Variants in LAMA4 observed in about 807,000 individuals in gnomAD.
The protein encoded by LAMA4 is laminin subunit alpha 4, also known as laminin subunit alpha-4.
Under a neutral mutation model 207.1 loss-of-function variants are expected in LAMA4, and 127 were observed. The observed-to-expected ratio is 0.61, with a 90% confidence interval of 0.53 to 0.71. The LOEUF (loss-of-function observed/expected upper bound fraction) is 0.71. Ranked by LOEUF, LAMA4 falls within the 30% of genes least tolerant of loss-of-function variation. LAMA4 has a pLI of 0.00. For missense variants in LAMA4, 2,093 were observed against 2,246.5 expected (o/e 0.93, Z 1.38); for synonymous variants, 761 against 816.0 (o/e 0.93, Z 1.15).
intron 31 of LAMA4, among the ~76,000 whole-genome samples, chr6:112,124,759 CTTT>C (rs36097503): frequency 4.3e-5 from 6 of 140,482 alleles, no homozygotes; most frequent in African/African-American, 1.0e-4. Flanking sequence ...ATAGGGGTAT[CTTT>C]TTTTTTTTTT....
chr6:112,143,254 C>T (rs570180139), intron 19 of LAMA4, among the ~76,000 whole-genome samples: 2 of 150,598 alleles, frequency 1.3e-5, no homozygotes, highest in Admixed American at 1.3e-4. Flanking sequence ...GTGCAGCTGT[C>T]CTATGTTATC....
Position 112,155,624 on chromosome 6 carries a change from C to T in LAMA4, c.1900G>A (p.Val634Ile), listed in dbSNP as rs782436658. Reference sequence around the variant, plus strand: ...TCTGCTGTTTCATTGGCTTCACTAACATAATTAACAATATTTTCATAGACA... The same window carrying T: ...TCTGCTGTTTCATTGGCTTCACTAATATAATTAACAATATTTTCATAGACA... ...SNVYENIVNY[V>I]SEANETAEFA... Residue 634 changes from valine to isoleucine, a missense_variant, in exon 15 of 39, where the codon GTT becomes ATT. Val to Ile is a conservative substitution (Grantham distance 29). Transcript: ENST00000230538. The T allele has an allele frequency of 3.7e-6, 6 of 1,614,064 alleles. No individual in the cohort carries two copies. Among genetic ancestry groups the T allele is most frequent in the Non-Finnish European group, 4.2e-6 (5 of 1,179,918 alleles).
chr6:112,128,846 C>T (rs900660490), intron 31 of LAMA4, 76 bp downstream of exon 31: 13 of 1,308,846 alleles, frequency 9.9e-6, no homozygotes, highest in South Asian at 7.3e-5. Context: ...AGTCAATTCT[C>T]TAAAACAGCA....
Position 112,179,377 on chromosome 6 carries a change from T to A in LAMA4, c.1078-1145A>T, listed in dbSNP as rs1782210355. ...TATGCACAGCATGGGCGACATGTAC[T>A]TACTTTTGGGATTTGAAGGACTGAT... is the stretch of plus-strand genomic sequence containing the variant. On this transcript the variant is annotated intron_variant, in intron 9 of 38. Transcript: ENST00000230538. 4 of 152,216 alleles carry A rather than the reference T, an allele frequency of 2.6e-5. No individual in the cohort carries two copies. The South Asian group carries it at 8.3e-4, about 31-fold the overall frequency. 9.4% of individuals were successfully genotyped at this position (152,216 alleles called of 1,614,324 possible).
intron 12 of LAMA4, among the ~76,000 whole-genome samples, chr6:112,170,675 T>G (rs1227819260): frequency 6.6e-6 from 1 of 152,208 alleles, no homozygotes; most frequent in Non-Finnish European, 1.5e-5. Context: ...TGTCAGACAT[T>G]GTGCTAAATG....
intron 3 of LAMA4, among the ~76,000 whole-genome samples, chr6:112,214,381 G>A (rs1357631138): frequency 6.6e-6 from 1 of 151,988 alleles, no homozygotes; most frequent in Non-Finnish European, 1.5e-5. Flanking sequence ...ACCATCCCTA[G>A]CCACTATATC....
chr6:112,119,383 T>C, intron 33 of LAMA4, 72 bp from the exon 34 acceptor site: 1 of 1,524,738 alleles, frequency 6.6e-7, no homozygotes, highest in South Asian at 1.1e-5. Context: ...TGTTTCCTCT[T>C]CTTCCAACTT....
In LAMA4 at chr6:112,216,461, A is replaced by G. The variant is rs1554358733; in HGVS notation, c.204T>C (p.Asn68=). 6.2e-7 allele frequency: 1 copy of G among 1,612,072 alleles called. No homozygotes were observed. The highest frequency in any genetic ancestry group is 8.5e-7 in the Non-Finnish European group (1 of 1,178,094). Residue 68 remains asparagine, a synonymous_variant, in exon 3 of 39, where the codon AAT becomes AAC. Coordinates refer to ENST00000230538, the MANE Select transcript of LAMA4 (RefSeq NM_001105206.3). ...CCGACAGGGTGTGAAAGAATCCAGC[A>G]TTGCATTTCTGCAACAGACACACCA... ...GRLPPAAEKC[N]AGFFHTLSGE...
chr6:112,227,211 C>T (rs1309444891), intron 2 of LAMA4, among the ~76,000 whole-genome samples: 1 of 152,076 alleles, frequency 6.6e-6, no homozygotes, highest in Non-Finnish European at 1.5e-5. Context: ...GCTGGGATTA[C>T]AGGCACCTGC....
chr6:112,140,414 C>A (rs782685344), intron 22 of LAMA4, among the ~76,000 whole-genome samples: 1 of 152,090 alleles, frequency 6.6e-6, no homozygotes, highest in Non-Finnish European at 1.5e-5. Context: ...TTTTTGAAAC[C>A]ACCACTGCAA....
At chr6:112,201,275 T>C (rs1391563865) in intron 5 of LAMA4, among the ~76,000 whole-genome samples, 1 of 152,250 alleles carries the variant, frequency 6.6e-6, no homozygotes, top group Non-Finnish European at 1.5e-5. Context: ...CTAATTTTAG[T>C]ACTATTTCTC....
chr6:112,139,753 G>A lies in LAMA4; in HGVS notation c.3109C>T (p.Arg1037Ter), dbSNP rs782727584. 6.8e-6 allele frequency: 11 copies of A among 1,613,612 alleles called. No homozygotes were observed. The highest frequency in any genetic ancestry group is 1.1e-5 in the South Asian group (1 of 91,074). Residue 1037 changes from arginine to a stop codon, truncating the protein, a stop_gained and splice_region_variant, in exon 23 of 39, where the codon CGA (arginine) becomes TGA (stop). Transcript: ENST00000230538. LOFTEE classifies it high-confidence loss of function. Reference protein sequence around the residue: ...MDPSTSVPCARDKLAFTQSRA... With the variant: ...MDPSTSVPCA ...TTAGTACTCTTAACTGTCTCTTACC[G>A]GGCACATGGCACTGATGTGGAGGGG...
chr6:112,160,995 C>T (rs1008717695), intron 13 of LAMA4, among the ~76,000 whole-genome samples: 9 of 152,206 alleles, frequency 5.9e-5, no homozygotes, highest in Admixed American at 2.0e-4. Flanking sequence ...CTCATGACCC[C>T]CAACCTGCTA....
chr6:112,141,151 C>CT (rs144560300), intron 21 of LAMA4, among the ~76,000 whole-genome samples: 38 of 149,800 alleles, frequency 2.5e-4, no homozygotes, highest in Non-Finnish European at 3.4e-4. Flanking sequence ...TTAGAAATGA[C>CT]TTTTTTTTTT....
chr6:112,250,506 A>G (rs1404235655), intron 2 of LAMA4, among the ~76,000 whole-genome samples: 1 of 152,244 alleles, frequency 6.6e-6, no homozygotes, highest in Non-Finnish European at 1.5e-5. Flanking sequence ...TGACAACAAT[A>G]GCAAAACTGA....
chr6:112,169,979 C>T (rs185359355), intron 12 of LAMA4, among the ~76,000 whole-genome samples: 1 of 152,336 alleles, frequency 6.6e-6, no homozygotes, highest in Non-Finnish European at 1.5e-5. Context: ...TACTTTGGTT[C>T]TCAGTTCATT....
At position 112,230,913 on chromosome 6, in the gene LAMA4, C is replaced by T. The variant is rs782140508; in HGVS notation, c.196-14444G>A. On this transcript the variant is annotated intron_variant, in intron 2 of 38. Coordinates refer to ENST00000230538, the MANE Select transcript of LAMA4 (RefSeq NM_001105206.3). ...TAAATTTGGGAAAACTGAGGCCTAG[C>T]GAAGAAGCAACTTGTTGAAAGCTGT... 7.9e-5 allele frequency among the ~76,000 whole-genome samples: 12 copies of T among 152,280 alleles called. 1 individual carries two copies. The highest frequency in any genetic ancestry group is 6.8e-3 in the Middle Eastern group (2 of 294).
At chr6:112,162,965 C>CTTTT (rs34824903) in intron 13 of LAMA4, among the ~76,000 whole-genome samples, 19 of 91,278 alleles carry the variant, frequency 2.1e-4, no homozygotes, top group Non-Finnish European at 3.3e-4. Context: ...CAGCTCAAAT[C>CTTTT]TTTTTTTTTT....
Position 112,205,123 on chromosome 6 carries a change from A to C in LAMA4, c.422+1898T>G, listed in dbSNP as rs564474047. The stretch of plus-strand genomic sequence containing the variant: ...AAAAGTCATTTTATGTGTATCATTT[A>C]ATCTTTACAACAGCTATCAATTACG... On this transcript the variant is annotated intron_variant, in intron 4 of 38. Coordinates refer to ENST00000230538, the MANE Select transcript of LAMA4 (RefSeq NM_001105206.3). 2.6e-5 allele frequency among the ~76,000 whole-genome samples: 4 copies of C among 152,344 alleles called. No individual in the cohort carries two copies. The South Asian group carries it at 8.3e-4, about 32-fold the overall frequency.
Sources: allele counts gnomAD v4.1 joint callset (sites outside exome capture counted in the v4.1 genomes callset), GRCh38; gene constraint gnomAD v4.1.1; transcripts MANE v1.5; gene names NCBI Gene and HGNC (gene_info 2026-07-23, HGNC 2026-07-21).